Variants in CLEC2D observed in about 807,000 individuals in gnomAD.
The protein encoded by CLEC2D is C-type lectin related f.
In CLEC2D, 16 loss-of-function variants were observed where a neutral mutation model predicts 20.0. That is an observed-to-expected ratio of 0.80 (90% CI 0.54 to 1.22). The LOEUF (loss-of-function observed/expected upper bound fraction) is 1.22. Ranked by LOEUF, CLEC2D falls within the 50% of genes most tolerant of loss-of-function variation. CLEC2D has a pLI of 0.00. For synonymous variants in CLEC2D, 77 were observed against 71.1 expected (o/e 1.08, Z -0.42); for missense variants, 207 against 221.5 (o/e 0.93, Z 0.42).
At chr12:9,683,224 T>C (rs997645522) in intron 2 of CLEC2D, among the ~76,000 whole-genome samples, 1 of 152,094 alleles carries the variant, frequency 6.6e-6, no homozygotes, top group Non-Finnish European at 1.5e-5. Context: ...TTTTTTTAAG[T>C]TCCTTGTAGA....
chr12:9,671,105 T>C (rs1396389912), intron 1 of CLEC2D, among the ~76,000 whole-genome samples: 1 of 152,246 alleles, frequency 6.6e-6, no homozygotes, highest in Non-Finnish European at 1.5e-5. Context: ...TCTGCAATTA[T>C]AGCTGCATCT....
At position 9,697,936 on chromosome 12, in the gene CLEC2D, A is replaced by C. The variant is rs1866036283; in HGVS notation, c.*3062A>C. The C allele has an allele frequency of 6.6e-6, 1 of 152,210 alleles. No homozygotes were observed. Among genetic ancestry groups the C allele is most frequent in the Non-Finnish European group, 1.5e-5 (1 of 68,044 alleles). The allele number at this position is 152,210 out of a possible 1,614,324, so 9.4% of individuals were successfully genotyped here. ...TATTCTTACCACACAGACAAAAAGA[A>C]ATGTAAGTATGTGAGATGAAGCTTA... On this transcript the variant is annotated 3_prime_UTR_variant, in exon 5 of 5. Coordinates refer to ENST00000290855, the MANE Select transcript of CLEC2D (RefSeq NM_013269.6).
At chr12:9,671,510 G>T (rs977511308) in intron 1 of CLEC2D, among the ~76,000 whole-genome samples, 2 of 152,142 alleles carry the variant, frequency 1.3e-5, no homozygotes, top group Non-Finnish European at 2.9e-5. Context: ...GTGAGCCACC[G>T]CGCCCGGCCG....
At chr12:9,692,802 A>C (rs1383365206) in intron 3 of CLEC2D, 26 bp from the exon 4 acceptor site, 1 of 1,483,684 alleles carries the variant, frequency 6.7e-7, no homozygotes, top group Non-Finnish European at 9.3e-7. Flanking sequence ...TAGATTAATG[A>C]ATATCATCTC....
intron 3 of CLEC2D, among the ~76,000 whole-genome samples, 161 bp from the exon 4 acceptor site, chr12:9,692,667 G>A (rs1315708635): frequency 1.3e-5 from 2 of 152,152 alleles, no homozygotes; most frequent in African/African-American, 4.8e-5. Flanking sequence ...CTTTTGATAT[G>A]TATGATAATA....
intron 1 of CLEC2D, chr12:9,680,292 G>A: frequency 4.4e-6 from 1 of 228,428 alleles, no homozygotes; most frequent in South Asian, 4.9e-5. Flanking sequence ...AGAATTGTGA[G>A]TCAGTTAAAC....
intron 1 of CLEC2D, among the ~76,000 whole-genome samples, chr12:9,676,804 G>T (rs1181502743): frequency 6.6e-6 from 1 of 152,084 alleles, no homozygotes; most frequent in East Asian, 1.9e-4. Context: ...TTGACATGGT[G>T]CTTTCTGTTT....
At chr12:9,678,576 G>C (rs1865571039) in intron 1 of CLEC2D, among the ~76,000 whole-genome samples, 2 of 152,008 alleles carry the variant, frequency 1.3e-5, no homozygotes, top group African/African-American at 4.8e-5. Flanking sequence ...GTCTCATTCT[G>C]TTCATTAGGC....
intron 3 of CLEC2D, among the ~76,000 whole-genome samples, chr12:9,690,996 C>T (rs947707191): frequency 6.6e-6 from 1 of 151,980 alleles, no homozygotes; most frequent in African/African-American, 2.4e-5. Context: ...AAAAGAAAAA[C>T]AAGACTCATC....
At position 9,694,947 on chromosome 12, in the gene CLEC2D, G is replaced by T. The variant is rs770188642; in HGVS notation, c.*73G>T. The T allele has an allele frequency of 5.1e-6, 4 of 779,862 alleles. No homozygotes were observed. The highest frequency in any genetic ancestry group is 2.9e-5 in the South Asian group (2 of 67,828). The allele number at this position is 779,862 out of a possible 1,614,324, so 48.3% of individuals were successfully genotyped here. On this transcript the variant is annotated 3_prime_UTR_variant, in exon 5 of 5. Transcript: ENST00000290855. Reference sequence around the variant, plus strand: ...ATAACTCCATTTTAAAATGAGCAAAGAATTTATTTCTTATACCAACAGGTA... The same window carrying T: ...ATAACTCCATTTTAAAATGAGCAAATAATTTATTTCTTATACCAACAGGTA...
At position 9,694,879 on chromosome 12, in the gene CLEC2D, T is replaced by C. The variant is rs749222620; in HGVS notation, c.*5T>C. 10 of 1,467,098 alleles carry C rather than the reference T, an allele frequency of 6.8e-6. No individual in the cohort carries two copies. The highest frequency in any genetic ancestry group is 9.6e-6 in the Non-Finnish European group (10 of 1,046,568). 90.9% of individuals were successfully genotyped at this position (1,467,098 alleles called of 1,614,324 possible). ...AAATCAGATATACATGTCTAGATGT[T>C]ACAGCAAAGCCCCAACTAATCTTTA... is the stretch of plus-strand genomic sequence containing the variant. On this transcript the variant is annotated 3_prime_UTR_variant, in exon 5 of 5. Coordinates refer to ENST00000290855, the MANE Select transcript of CLEC2D (RefSeq NM_013269.6).
chr12:9,688,455 T>C (rs1432874156), intron 3 of CLEC2D, among the ~76,000 whole-genome samples: 2 of 152,196 alleles, frequency 1.3e-5, no homozygotes, highest in African/African-American at 2.4e-5. Context: ...CAGTGGCACA[T>C]GCCTGTAATC....
At chr12:9,687,044 GACA>G (rs1865763691) in intron 2 of CLEC2D, among the ~76,000 whole-genome samples, 1 of 152,206 alleles carries the variant, frequency 6.6e-6, no homozygotes, top group African/African-American at 2.4e-5. Context: ...TTTTGTGAAA[GACA>G]ACGTTTTCAT....
In CLEC2D at chr12:9,694,963, C is replaced by A. The variant is rs759033316; in HGVS notation, c.*89C>A. 1.4e-6 allele frequency: 1 copy of A among 697,024 alleles called. No individual in the cohort carries two copies. Among genetic ancestry groups the A allele is most frequent in the Non-Finnish European group, 2.6e-6 (1 of 387,984 alleles). The allele number at this position is 697,024 out of a possible 1,614,324, so 43.2% of individuals were successfully genotyped here. On this transcript the variant is annotated 3_prime_UTR_variant, in exon 5 of 5. Coordinates refer to ENST00000290855, the MANE Select transcript of CLEC2D (RefSeq NM_013269.6). ...ATGAGCAAAGAATTTATTTCTTATA[C>A]CAACAGGTATATGAAAATATGCTCA... is the stretch of plus-strand genomic sequence containing the variant.
chr12:9,696,287 A>G lies in CLEC2D; in HGVS notation c.*1413A>G, dbSNP rs2894. The stretch of plus-strand genomic sequence containing the variant: ...TTCCATCTTATTTCATTTCTGTAAC[A>G]GTTGATATCTGGCTGTCCTTTTTAT... On this transcript the variant is annotated 3_prime_UTR_variant, in exon 5 of 5. Coordinates refer to ENST00000290855, the MANE Select transcript of CLEC2D (RefSeq NM_013269.6). The G allele has an allele frequency of 0.42, 292,715 of 697,574 alleles. 65,086 individuals are homozygous for G. Among genetic ancestry groups the G allele is most frequent in the East Asian group, 0.61 (23,606 of 38,856 alleles). The allele number at this position is 697,574 out of a possible 1,614,324, so 43.2% of individuals were successfully genotyped here.
intron 1 of CLEC2D, among the ~76,000 whole-genome samples, chr12:9,675,496 A>C (rs1331640760): frequency 6.6e-6 from 1 of 152,122 alleles, no homozygotes; most frequent in Non-Finnish European, 1.5e-5. Context: ...GCCCAGCCTT[A>C]TTTGTCTGTT....
chr12:9,683,315 ATAGT>A (rs1275500311), intron 2 of CLEC2D, among the ~76,000 whole-genome samples: 80 of 98,190 alleles, frequency 8.1e-4, no homozygotes, highest in African/African-American at 2.6e-3. Context: ...CACTCTGATG[ATAGT>A]TTGTTTTTTG....
At chr12:9,671,157 A>T (rs367863597) in intron 1 of CLEC2D, among the ~76,000 whole-genome samples, 75 of 152,306 alleles carry the variant, frequency 4.9e-4, no homozygotes, top group African/African-American at 1.7e-3. Context: ...AGAAGAAAAA[A>T]AAAGCAAGAG....
intron 1 of CLEC2D, among the ~76,000 whole-genome samples, chr12:9,678,113 C>T (rs1302472896): frequency 6.6e-6 from 1 of 152,104 alleles, no homozygotes; most frequent in Non-Finnish European, 1.5e-5. Context: ...TTAATTTTTG[C>T]CTCACGTAGT....
Sources: allele counts gnomAD v4.1 joint callset (sites outside exome capture counted in the v4.1 genomes callset), GRCh38; gene constraint gnomAD v4.1.1; transcripts MANE v1.5; gene names NCBI Gene and HGNC (gene_info 2026-07-23, HGNC 2026-07-21).